PUDP: variants seen among roughly 807,000 people sequenced by gnomAD.
The protein encoded by PUDP is pseudouridine-5'-phosphatase.
A neutral mutation model predicts 9.4 loss-of-function variants in PUDP; 8 were observed. The ratio of observed to expected loss-of-function variants is 0.85; its 90% CI spans 0.50 to 1.53. The LOEUF (loss-of-function observed/expected upper bound fraction) is 1.53, where lower values mean the gene tolerates loss of function less well. Ranked by LOEUF, PUDP falls within the 40% of genes most tolerant of loss-of-function variation. PUDP has a pLI of 0.00. For synonymous variants in PUDP, 99 were observed against 80.7 expected, an observed-to-expected ratio of 1.23 and a Z score of -1.22; for missense variants, 188 against 189.7, an observed-to-expected ratio of 0.99 and a Z score of 0.05.
At chrX:6,999,616 A>C (rs942323999) in intron 1 of PUDP, among the ~76,000 whole-genome samples, 2 of 110,629 alleles carry the variant, frequency 1.8e-5, no homozygotes, top group East Asian at 5.7e-4. Flanking sequence ...AGAGATGACT[A>C]TTTTAAGTGA....
At chrX:6,876,988 G>A (rs903767345) in intron 3 of PUDP, among the ~76,000 whole-genome samples, 6 of 104,140 alleles carry the variant, frequency 5.8e-5, no homozygotes, top group Admixed American at 4.2e-4. Flanking sequence ...TAACACTTTA[G>A]ATGCAGGGTC....
At chrX:6,934,901 G>A (rs1928271037) in intron 3 of PUDP, among the ~76,000 whole-genome samples, 1 of 84,668 alleles carries the variant, frequency 1.2e-5, no homozygotes, top group Non-Finnish European at 2.3e-5. Context: ...ATTACATAAT[G>A]GTAAAGGGAT....
At chrX:7,005,746 A>T (rs1392518006) in intron 1 of PUDP, among the ~76,000 whole-genome samples, 1 of 111,029 alleles carries the variant, frequency 9.0e-6, no homozygotes, top group Non-Finnish European at 1.9e-5. Context: ...TCAGAAATAC[A>T]TTTGCATTGT....
At chrX:6,822,318 T>C (rs770364987) in intron 3 of PUDP, among the ~76,000 whole-genome samples, 1 of 112,310 alleles carries the variant, frequency 8.9e-6, no homozygotes, top group South Asian at 3.7e-4. Context: ...CTTGTTAAAG[T>C]TCCCCCAAGT....
intron 1 of PUDP, among the ~76,000 whole-genome samples, chrX:7,108,807 G>A (rs190815900): frequency 1.8e-5 from 2 of 111,808 alleles, no homozygotes; most frequent in Admixed American, 9.5e-5. Context: ...CTCCAGCCTC[G>A]GTCTCCCAGT....
intron 3 of PUDP, among the ~76,000 whole-genome samples, chrX:7,050,694 T>A (rs187299486): frequency 1.8e-5 from 2 of 112,330 alleles, no homozygotes; most frequent in East Asian, 5.7e-4. Flanking sequence ...GAGGTTTCTG[T>A]TGCAGCCAAA....
chrX:7,069,229 C>T (rs1329510493), intron 3 of PUDP, among the ~76,000 whole-genome samples: 2 of 111,062 alleles, frequency 1.8e-5, no homozygotes, highest in Non-Finnish European at 3.8e-5. Flanking sequence ...CAGTCAGGAG[C>T]GGCAGATGCC....
intron 3 of PUDP, among the ~76,000 whole-genome samples, chrX:6,880,002 G>GA (rs1484288553): frequency 9.2e-6 from 1 of 109,120 alleles, no homozygotes; most frequent in Non-Finnish European, 1.9e-5. Context: ...AGAACTCCAA[G>GA]AAAAAAAAGA....
At chrX:7,104,687 C>T (rs1297317032) in intron 2 of PUDP, among the ~76,000 whole-genome samples, 1 of 111,490 alleles carries the variant, frequency 9.0e-6, no homozygotes, top group East Asian at 2.8e-4. Flanking sequence ...TCACGATGCT[C>T]GTACCCATGC....
chrX:6,815,667 C>T (rs1479799633), intron 3 of PUDP, among the ~76,000 whole-genome samples: 1 of 110,767 alleles, frequency 9.0e-6, no homozygotes, highest in South Asian at 3.8e-4. Context: ...TATAGCCCAG[C>T]CTCCATAAAA....
intron 3 of PUDP, among the ~76,000 whole-genome samples, chrX:6,907,475 C>A (rs1198671980): frequency 8.9e-6 from 1 of 111,902 alleles, no homozygotes; most frequent in Non-Finnish European, 1.9e-5. Context: ...TTCTCTATCC[C>A]TTACCCTGTT....
chrX:6,826,361 G>A (rs1378042619), intron 3 of PUDP, among the ~76,000 whole-genome samples: 1 of 111,610 alleles, frequency 9.0e-6, no homozygotes, highest in African/African-American at 3.3e-5. Context: ...TCCTTACAGA[G>A]GGATTCAATG....
At chrX:7,043,147 A>G (rs1358483012) in intron 1 of PUDP, among the ~76,000 whole-genome samples, 1 of 111,993 alleles carries the variant, frequency 8.9e-6, no homozygotes, top group Non-Finnish European at 1.9e-5. Flanking sequence ...TCATTCACAG[A>G]TGACATGAGG....
At chrX:6,932,059 T>G (rs1928199359) in intron 3 of PUDP, among the ~76,000 whole-genome samples, 1 of 112,138 alleles carries the variant, frequency 8.9e-6, no homozygotes, top group African/African-American at 3.2e-5. Context: ...TACTTATAAA[T>G]AAACGCACAA....
At chrX:7,057,095 C>A (rs771395790) in intron 3 of PUDP, among the ~76,000 whole-genome samples, 3 of 112,486 alleles carry the variant, frequency 2.7e-5, no homozygotes. Flanking sequence ...GATGTTGAAG[C>A]GCAGCAGCGA....
intron 3 of PUDP, among the ~76,000 whole-genome samples, chrX:6,898,872 CATAACTGTCCAAGTG>C (rs1429681299): frequency 8.9e-6 from 1 of 111,811 alleles, no homozygotes; most frequent in Non-Finnish European, 1.9e-5. Flanking sequence ...GCTTTTGGGC[CATAACTGTCCAAGTG>C]ATGGAATCCA....
Position 6,861,608 on chromosome X carries a change from G to A in PUDP, c.*247+115525C>T, listed in dbSNP as rs745519207. Among the ~76,000 whole-genome samples, 8 of 111,991 alleles carry A rather than the reference G, an allele frequency of 7.1e-5. No homozygotes were observed. In the Middle Eastern group the frequency reaches 0.014, roughly 195 times the overall value. On this transcript the variant is annotated intron_variant and NMD_transcript_variant, in intron 3 of 3. Coordinates refer to the PUDP transcript ENST00000655425. ...CCAAGATCAGCTTGAAAATCTTGAC[G>A]TAGATTGTTCTTACAGATATATTAG...
chrX:6,920,058 T>C (rs1927998446), intron 3 of PUDP, among the ~76,000 whole-genome samples: 1 of 108,174 alleles, frequency 9.2e-6, no homozygotes, highest in Non-Finnish European at 1.9e-5. Flanking sequence ...TGGGGCAAGG[T>C]TTACCTCTCC....
At chrX:6,862,873 C>T (rs1026538381) in intron 3 of PUDP, among the ~76,000 whole-genome samples, 4 of 111,165 alleles carry the variant, frequency 3.6e-5, no homozygotes, top group African/African-American at 9.8e-5. Context: ...AAGACTAGCA[C>T]CATCCAATAG....
Sources: gnomAD v4.1 joint callset for allele counts (sites outside exome capture counted in the v4.1 genomes callset) on GRCh38, gnomAD v4.1.1 for gene constraint, MANE v1.5 for transcripts, NCBI Gene and HGNC (gene_info 2026-07-23, HGNC 2026-07-21) for gene names.